TENM4: variants seen among roughly 807,000 people sequenced by gnomAD.
TENM4 encodes teneurin transmembrane protein 4.
A neutral mutation model predicts 243.3 loss-of-function variants in TENM4; 82 were observed. The observed-to-expected ratio is 0.34, with a 90% CI of 0.28 to 0.40. The LOEUF is 0.40. Ranked by LOEUF, TENM4 falls within the 10% of genes least tolerant of loss-of-function variation. The pLI, the probability that TENM4 is intolerant of heterozygous loss-of-function variation, is 1.00. For missense variants in TENM4, 3,138 were observed against 3,673.3 expected (o/e 0.85, Z 3.77); for synonymous variants, 1,412 against 1,456.3 (o/e 0.97, Z 0.69).
chr11:79,111,961 CA>C lies in TENM4; in HGVS notation c.-66+36748del, dbSNP rs372505139. 7.6e-3 allele frequency among the ~76,000 whole-genome samples: 1,155 copies of C among 151,044 alleles called. 19 individuals are homozygous for C. The highest frequency in any genetic ancestry group is 0.027 in the African/African-American group (1,116 of 41,218). ...GGATCAACACAAAGATATGGAGTTA[CA>C]AAAAAAAATCTGTGTGGGGAACTCT... On this transcript the variant is annotated intron_variant, in intron 4 of 33. Coordinates refer to ENST00000278550, the MANE Select transcript of TENM4 (RefSeq NM_001098816.3).
At position 79,228,645 on chromosome 11, in the gene TENM4, C is replaced by T. The variant is rs924253596; in HGVS notation, c.-264-12736G>A. Among the ~76,000 whole-genome samples the T allele has an allele frequency of 6.8e-5, 10 of 147,866 alleles. No homozygotes were observed. In the East Asian group the frequency reaches 1.2e-3, roughly 17 times the overall value. On this transcript the variant is annotated intron_variant, in intron 2 of 33. Transcript: ENST00000278550. ...GAAAACAAAGAGTCCTTTCTGGAGA[C>T]GAAAAAAAAAACAAGAAAATTTGGA... is the stretch of plus-strand genomic sequence containing the variant.
At chr11:79,086,919 C>G (rs1361309875) in intron 4 of TENM4, among the ~76,000 whole-genome samples, 1 of 150,232 alleles carries the variant, frequency 6.7e-6, no homozygotes, top group African/African-American at 2.5e-5. Flanking sequence ...AGAACTTATA[C>G]ATTTCTAACA....
chr11:79,391,749 A>G (rs1029217918), intron 1 of TENM4, among the ~76,000 whole-genome samples: 6 of 152,248 alleles, frequency 3.9e-5, no homozygotes, highest in Non-Finnish European at 7.3e-5. Context: ...GACGTATCAC[A>G]TAATATACAG....
At chr11:78,866,747 A>T (rs1565414104) in intron 9 of TENM4, among the ~76,000 whole-genome samples, 1 of 152,206 alleles carries the variant, frequency 6.6e-6, no homozygotes, top group Non-Finnish European at 1.5e-5. Context: ...GGGAAAGCAA[A>T]GCTCTGTATT....
intron 16 of TENM4, among the ~76,000 whole-genome samples, chr11:78,785,695 G>A (rs886575593): frequency 1.3e-5 from 2 of 152,180 alleles, no homozygotes; most frequent in East Asian, 1.9e-4. Context: ...ATTAATAAAT[G>A]TAAGGTATTC....
chr11:78,825,756 C>A (rs1053347471), intron 12 of TENM4, among the ~76,000 whole-genome samples: 4 of 152,174 alleles, frequency 2.6e-5, no homozygotes, highest in Non-Finnish European at 4.4e-5. Context: ...GAGTAAGAGC[C>A]AGATCCAGAA....
chr11:78,889,805 A>G lies in TENM4; in HGVS notation c.1064T>C (p.Ile355Thr). 1 of 1,552,100 alleles carries G rather than the reference A, an allele frequency of 6.4e-7. No homozygotes were observed. The highest frequency in any genetic ancestry group is 1.2e-5 in the South Asian group (1 of 84,062). Residue 355 changes from isoleucine to threonine, a missense_variant, in exon 9 of 34, where the codon ATC (isoleucine) becomes ACC (threonine). Coordinates refer to ENST00000278550, the MANE Select transcript of TENM4 (RefSeq NM_001098816.3). Reference sequence around the variant, plus strand: ...CTTACCCACAAAGTATGCCAGCAGGATGACCAGAGTGGCTGAGATGACGAT... The same window carrying G: ...CTTACCCACAAAGTATGCCAGCAGGGTGACCAGAGTGGCTGAGATGACGAT... ...SAIVISATLV[I>T]LLAYFVAMHL...
chr11:79,172,923 G>A (rs529216591), intron 3 of TENM4, among the ~76,000 whole-genome samples: 27 of 152,280 alleles, frequency 1.8e-4, no homozygotes, highest in Non-Finnish European at 2.4e-4. Context: ...TTACAGGCGT[G>A]AGCCACCGTG....
chr11:79,177,592 T>C (rs1472091756), intron 3 of TENM4, among the ~76,000 whole-genome samples: 1 of 152,074 alleles, frequency 6.6e-6, no homozygotes, highest in Non-Finnish European at 1.5e-5. Flanking sequence ...TGATGATCAA[T>C]ATTATGGAGG....
chr11:78,895,664 C>T (rs910184761), intron 7 of TENM4, among the ~76,000 whole-genome samples: 7 of 152,200 alleles, frequency 4.6e-5, no homozygotes, highest in African/African-American at 9.6e-5. Flanking sequence ...GTCATAGTCA[C>T]GCAGGGTCTC....
intron 9 of TENM4, among the ~76,000 whole-genome samples, chr11:78,880,750 A>T: frequency 6.6e-6 from 1 of 152,226 alleles, no homozygotes; most frequent in Non-Finnish European, 1.5e-5. Flanking sequence ...AAATTTCTCA[A>T]CAACACTGAA....
At position 79,381,629 on chromosome 11, in the gene TENM4, T is replaced by C. The variant is rs11237817; in HGVS notation, c.-321+58880A>G. 8.9e-3 allele frequency among the ~76,000 whole-genome samples: 1,337 copies of C among 150,690 alleles called. 6 individuals carry two copies. Among genetic ancestry groups the C allele is most frequent in the Middle Eastern group, 0.014 (4 of 292 alleles). On this transcript the variant is annotated intron_variant, in intron 1 of 33. Transcript: ENST00000278550. ...AAGGTAGACAGTGAGTCAGTAAGCA[T>C]TGGGATATTTGAATTGGATGGGTTC...
chr11:78,727,054 C>T (rs945110604), intron 22 of TENM4, among the ~76,000 whole-genome samples: 12 of 152,240 alleles, frequency 7.9e-5, no homozygotes, highest in African/African-American at 1.2e-4. Context: ...AATACTATGA[C>T]GCCACTGGAA....
In TENM4 at chr11:79,215,552, G is replaced by T. The variant is rs188415222; in HGVS notation, c.-163+256C>A. ...CATACCTGCTAGATGCCCCATCCTT[G>T]CCCACCTTGCCCTCCCACCATGCTG... On this transcript the variant is annotated intron_variant, in intron 3 of 33. Transcript: ENST00000278550. 8.5e-3 allele frequency among the ~76,000 whole-genome samples: 1,293 copies of T among 152,140 alleles called. 23 individuals are homozygous for T. Among genetic ancestry groups the T allele is most frequent in the African/African-American group, 0.03 (1,229 of 41,506 alleles).
At chr11:79,205,583 T>C (rs1405050228) in intron 3 of TENM4, among the ~76,000 whole-genome samples, 2 of 152,214 alleles carry the variant, frequency 1.3e-5, no homozygotes, top group East Asian at 1.9e-4. Flanking sequence ...GTTTCTGAGA[T>C]AGTTTTATTC....
rs1857672517 is a variant in TENM4 at position 78,819,174 on chromosome 11, G to A, written c.1682-4779C>T. Among the ~76,000 whole-genome samples, 8 of 152,284 alleles carry A rather than the reference G, an allele frequency of 5.3e-5. 1 individual carries two copies. In the South Asian group the frequency reaches 1.7e-3, roughly 32 times the overall value. ...CAGTGCTTCTTCCCAGTGGAGACAT[G>A]AGAGTCAGGAACCCACAGAGGCCTC... On this transcript the variant is annotated intron_variant, in intron 12 of 33. Coordinates refer to ENST00000278550, the MANE Select transcript of TENM4 (RefSeq NM_001098816.3).
intron 9 of TENM4, among the ~76,000 whole-genome samples, chr11:78,876,952 A>G (rs1379877052): frequency 2.0e-5 from 3 of 152,236 alleles, no homozygotes; most frequent in Admixed American, 6.5e-5. Flanking sequence ...ACTATGGGTC[A>G]TCCACTGGAC....
At chr11:79,162,532 T>C (rs1299029767) in intron 3 of TENM4, among the ~76,000 whole-genome samples, 1 of 149,908 alleles carries the variant, frequency 6.7e-6, no homozygotes, top group Admixed American at 6.7e-5. Flanking sequence ...CTTAATTAAT[T>C]TTGATTTTAG....
chr11:79,008,790 G>A (rs546015753), intron 6 of TENM4, among the ~76,000 whole-genome samples: 1 of 152,094 alleles, frequency 6.6e-6, no homozygotes, highest in African/African-American at 2.4e-5. Flanking sequence ...ACAATAATGG[G>A]GCCAAGGGAT....
Sources: allele counts gnomAD v4.1 joint callset (sites outside exome capture counted in the v4.1 genomes callset), GRCh38; gene constraint gnomAD v4.1.1; transcripts MANE v1.5; gene names NCBI Gene and HGNC (gene_info 2026-07-23, HGNC 2026-07-21).